PLEC: variants seen among roughly 807,000 people sequenced by gnomAD.
The protein encoded by PLEC is plectin.
Under a neutral mutation model 392.8 loss-of-function variants are expected in PLEC, and 216 were observed. The ratio of observed to expected loss-of-function variants is 0.55; its 90% CI spans 0.49 to 0.62. PLEC has a LOEUF of 0.62. PLEC is among the 20% of genes least tolerant of loss of function. The probability of loss-of-function intolerance (pLI) is 0.00; values close to 1 mark genes in which losing one functional copy is unlikely to be tolerated. For synonymous variants in PLEC, 3,621 were observed against 2,980.6 expected (o/e 1.21, Z -7.00); for missense variants, 6,863 against 6,563.4 (o/e 1.05, Z -1.58).
Position 143,918,262 on chromosome 8 carries a change from C to T in PLEC, c.11559G>A (p.Glu3853=), listed in dbSNP as rs1227052172. 6.3e-7 allele frequency: 1 copy of T among 1,592,126 alleles called. No homozygotes were observed. The highest frequency in any genetic ancestry group is 8.5e-7 in the Non-Finnish European group (1 of 1,176,598). Residue 3853 remains glutamate, a synonymous_variant, in exon 32 of 32, where the codon GAG becomes GAA. Transcript: ENST00000345136. ...VRSYVDPSTD[E]RLSYTQLLRR... ...TGAGCAGCTGCGTGTAGCTGAGGCG[C>T]TCGTCGGTGGACGGGTCCACGTAGC...
At chr8:143,958,892 C>T (rs1477961573), upstream of PLEC, 3 of 227,854 alleles carry the variant, frequency 1.3e-5, no homozygotes, top group African/African-American at 6.8e-5. The surrounding 1 kb of genome is among the most constrained non-coding windows in gnomAD (Gnocchi z 4.9). Flanking sequence ...AAATGAATTC[C>T]TGGAGTTCAG....
Position 143,930,271 on chromosome 8 carries a change from G to A in PLEC, c.2485C>T (p.Gln829Ter). The A allele has an allele frequency of 6.2e-7, 1 of 1,602,960 alleles. No homozygotes were observed. The highest frequency in any genetic ancestry group is 1.7e-4 in the Middle Eastern group (1 of 5,904). The change falls in exon 21 of 32, where the codon CAG (glutamine) becomes TAG (stop). Residue 829 changes from glutamine (Q) to a stop codon, truncating the protein, a stop_gained. Coordinates refer to ENST00000345136, the MANE Select transcript of PLEC (RefSeq NM_201384.3). LOFTEE classifies it high-confidence loss of function. ...EVTVHKGDEC[Q>*]LVGPAQPSHW... is the part of the protein sequence containing the mutation. Reference sequence around the variant, plus strand: ...GACGGCTGTGCAGGGCCCACCAGCTGGCACTCGTCACCCTTGTGCACAGTC... The same window carrying A: ...GACGGCTGTGCAGGGCCCACCAGCTAGCACTCGTCACCCTTGTGCACAGTC...
upstream of PLEC, chr8:143,975,336 A>G (rs1554745712): frequency 6.2e-7 from 1 of 1,611,062 alleles, no homozygotes. The surrounding 1 kb of genome is among the most constrained non-coding windows in gnomAD (Gnocchi z 9.9). Context: ...ACATCTTCAG[A>G]GACTGCCCGG....
upstream of PLEC, chr8:143,953,968 A>C: frequency 7.7e-7 from 1 of 1,298,580 alleles, no homozygotes; most frequent in Non-Finnish European, 1.0e-6. Flanking sequence ...CGCACCGCGC[A>C]CCCCTCCCCC....
chr8:143,944,084 C>CCGCGGGTCCGGCCCTCGG, upstream of PLEC: 3 of 748,810 alleles, frequency 4.0e-6, no homozygotes, highest in Admixed American at 8.8e-5. Context: ...CCTCCTCCCT[C>CCGCGGGTCCGGCCCTCGG]CGCGGGTCCG....
chr8:143,919,911 A>G lies in PLEC; in HGVS notation c.9910T>C (p.Ser3304Pro), dbSNP rs1237836808. 1 of 1,612,994 alleles carries G rather than the reference A, an allele frequency of 6.2e-7. No homozygotes were observed. The highest frequency in any genetic ancestry group is 8.5e-7 in the Non-Finnish European group (1 of 1,180,018). The stretch of plus-strand genomic sequence containing the variant: ...ACAGGGGCACGGAGGCCGCTGAAGG[A>G]CAGCCTCTCCTGCCGCAGGGTCTCC... ...EVETLRQERL[S>P]FSGLRAPVPA... The change falls in exon 32 of 32, where the codon TCC (serine) becomes CCC (proline). Residue 3304 changes from serine (S) to proline (P), a missense_variant. Ser to Pro is a moderately conservative substitution (Grantham distance 74). Transcript: ENST00000345136.
chr8:143,942,543 G>A (rs527528137), upstream of PLEC: 394 of 1,545,262 alleles, frequency 2.5e-4, 2 homozygotes, highest in South Asian at 4.4e-3. Context: ...CCCTGGTTCG[G>A]CCCACGGACA....
chr8:143,921,637 G>A lies in PLEC; in HGVS notation c.8184C>T (p.Ile2728=). The change falls in exon 32 of 32, where the codon ATC becomes ATT. Residue 2728 remains isoleucine (I), a synonymous_variant. Coordinates refer to ENST00000345136, the MANE Select transcript of PLEC (RefSeq NM_201384.3). ...RQLLSPGTAL[I]LLEAQAASGF... ...CTGAGGCCGCCTGCGCCTCCAGCAG[G>A]ATGAGGGCCGTGCCGGGACTCAGCA... The A allele has an allele frequency of 2.5e-6, 4 of 1,613,052 alleles. No homozygotes were observed. Among genetic ancestry groups the A allele is most frequent in the East Asian group, 2.2e-5 (1 of 44,866 alleles).
rs370464447 is a variant in PLEC at position 143,930,196 on chromosome 8, C to T, written c.2560G>A (p.Val854Met). ...TTGGGCGGGGGCACCAGGAAGCACA[C>T]GGAGGGCACGGCGGCCTCGCTGCCG... ...SSGSEAAVPS[V>M]CFLVPPPNQE... Residue 854 changes from valine (V) to methionine (M), a missense_variant, in exon 21 of 32, where the codon GTG becomes ATG. Val to Met is a conservative substitution (Grantham distance 21, BLOSUM62 1). Transcript: ENST00000345136. 9.6e-5 allele frequency: 152 copies of T among 1,578,672 alleles called. No individual in the cohort carries two copies. The highest frequency in any genetic ancestry group is 1.1e-4 in the Non-Finnish European group (133 of 1,168,506).
Position 143,925,204 on chromosome 8 carries a change from C to A in PLEC, c.4725G>T (p.Glu1575Asp), listed in dbSNP as rs1554701206. The change falls in exon 31 of 32, where the codon GAG becomes GAT. Residue 1575 changes from glutamate (E) to aspartate (D), a missense_variant. Transcript: ENST00000345136. ...AGGCGCGTTTGCTCTGCAGCTCCGC[C>A]TCTGCACTGCGCTGCGCCGTCTCCA... ...VALETAQRSA[E>D]AELQSKRASF... 3 of 1,587,690 alleles carry A rather than the reference C, an allele frequency of 1.9e-6. No homozygotes were observed. Among genetic ancestry groups the A allele is most frequent in the Non-Finnish European group, 2.6e-6 (3 of 1,175,346 alleles).
At position 143,924,717 on chromosome 8, in the gene PLEC, G is replaced by A. The variant is rs782696997; in HGVS notation, c.5212C>T (p.Arg1738Trp). ...QRQLLEEELA[R>W]LQREAAAATQ... is the part of the protein sequence containing the mutation. Reference sequence around the variant, plus strand: ...GCTGCAGCCGCCTCACGCTGCAGCCGGGCCAGCTCCTCCTCCAGCAGCTGC... The same window carrying A: ...GCTGCAGCCGCCTCACGCTGCAGCCAGGCCAGCTCCTCCTCCAGCAGCTGC... The change falls in exon 31 of 32, where the codon CGG (arginine) becomes TGG (tryptophan). Residue 1738 changes from arginine (R) to tryptophan (W), a missense_variant. Coordinates refer to ENST00000345136, the MANE Select transcript of PLEC (RefSeq NM_201384.3). 2.6e-5 allele frequency: 40 copies of A among 1,534,272 alleles called. No individual in the cohort carries two copies. The highest frequency in any genetic ancestry group is 2.6e-4 in the Admixed American group (13 of 50,864).
chr8:143,973,800 T>G (rs1182169267), upstream of PLEC, among the ~76,000 whole-genome samples: 1 of 151,536 alleles, frequency 6.6e-6, no homozygotes, highest in East Asian at 2.0e-4. This position sits in a 1 kb window ranked among gnomAD's most constrained non-coding sequence, Gnocchi z 5.6. Flanking sequence ...GGCCGCGACC[T>G]GTCTGTTCCC....
At chr8:143,927,198 T>C in intron 28 of PLEC, 54 bp downstream of exon 28, 1 of 1,588,318 alleles carries the variant, frequency 6.3e-7, no homozygotes, top group South Asian at 1.1e-5. Context: ...AAGCCCGCCA[T>C]CATCCTGGCA....
chr8:143,935,722 C>T lies in PLEC; in HGVS notation c.602+126G>A. 5.8e-6 allele frequency: 6 copies of T among 1,026,790 alleles called. No homozygotes were observed. In the South Asian group the frequency reaches 6.8e-5, roughly 12 times the overall value. The allele number at this position is 1,026,790 out of a possible 1,614,324, so 63.6% of individuals were successfully genotyped here. A position where few individuals can be genotyped will look rare whatever the true frequency, so the allele number is the denominator to read the frequency against. On this transcript the variant is annotated intron_variant, in intron 6 of 31. Coordinates refer to ENST00000345136, the MANE Select transcript of PLEC (RefSeq NM_201384.3). ...GGCCCTGAACTCCACCACCCCGAGG[C>T]GGCCAGCTGGCACTCATCCCTGTTC... is the stretch of plus-strand genomic sequence containing the variant.
At chr8:143,948,489 G>T (rs7832643) in intron 1 of PLEC, among the ~76,000 whole-genome samples, 69,176 of 152,124 alleles carry the variant, frequency 0.45, 17,100 homozygotes, top group African/African-American at 0.65. Context: ...CATCCGAGCC[G>T]CCTCCTTCCC....
At chr8:143,939,064 G>A (rs1382105526) in intron 1 of PLEC, among the ~76,000 whole-genome samples, 5 of 152,090 alleles carry the variant, frequency 3.3e-5, no homozygotes, top group African/African-American at 4.8e-5. Context: ...GGCCCGCTGG[G>A]GTGTTGGAAG....
At position 143,932,795 on chromosome 8, in the gene PLEC, C is replaced by A; in HGVS notation, c.1735G>T (p.Glu579Ter). 1 of 1,612,142 alleles carries A rather than the reference C, an allele frequency of 6.2e-7. No homozygotes were observed. Among genetic ancestry groups the A allele is most frequent in the Non-Finnish European group, 8.5e-7 (1 of 1,179,748 alleles). ...RAKIERARSDEGQLSPATRGA... is the reference protein window; with the variant it reads ...RAKIERARSD ...GCCCATCGCTCAGCGCCACCCACCT[C>A]GTCACTCCGTGCCCGCTCGATCTTG... is the stretch of plus-strand genomic sequence containing the variant. The change falls in exon 14 of 32, where the codon GAG (glutamate) becomes TAG (stop). Residue 579 changes from glutamate to a stop codon, truncating the protein, a stop_gained and splice_region_variant. Transcript: ENST00000345136. LOFTEE classifies it high-confidence loss of function.
chr8:143,954,228 C>G (rs1832465975), upstream of PLEC, among the ~76,000 whole-genome samples: 3 of 152,202 alleles, frequency 2.0e-5, no homozygotes, highest in Non-Finnish European at 4.4e-5. The surrounding 1 kb of genome is among the most constrained non-coding windows in gnomAD (Gnocchi z 4.6). Context: ...CAGTAACTTC[C>G]TCAGCCGGCC....
Position 143,930,451 on chromosome 8 carries a change from C to T in PLEC, c.2390G>A (p.Arg797His), listed in dbSNP as rs1331262541. Residue 797 changes from arginine (R) to histidine (H), a missense_variant, in exon 20 of 32, where the codon CGC becomes CAC. Physicochemically the swap from Arg to His is conservative, Grantham distance 29. Coordinates refer to ENST00000345136, the MANE Select transcript of PLEC (RefSeq NM_201384.3). ...GCCCCGCATGGGGTGGGCTGGGTGG[C>T]GGGGCTTCAGCTGCACGACGGCCTT... ...RAKAVVQLKP[R>H]HPAHPMRGRL... 16 of 1,579,002 alleles carry T rather than the reference C, an allele frequency of 1.0e-5. No individual in the cohort carries two copies. The highest frequency in any genetic ancestry group is 1.7e-4 in the Middle Eastern group (1 of 6,016).
Sources: allele counts gnomAD v4.1 joint callset (sites outside exome capture counted in the v4.1 genomes callset), GRCh38; gene constraint gnomAD v4.1.1; non-coding constraint Gnocchi (gnomAD v3.1); transcripts MANE v1.5; gene names NCBI Gene and HGNC (gene_info 2026-07-23, HGNC 2026-07-21).